ARNT2: variants seen among roughly 807,000 people sequenced by gnomAD.
ARNT2 encodes the protein ARNT protein 2.
ARNT2 carries 36 observed loss-of-function variants against 91.7 expected under a neutral mutation model. The ratio of observed to expected loss-of-function variants is 0.39; its 90% CI spans 0.30 to 0.52. The LOEUF (loss-of-function observed/expected upper bound fraction) is 0.52. Ranked by LOEUF, ARNT2 falls within the 20% of genes least tolerant of loss-of-function variation. The pLI is 0.72. For missense variants in ARNT2, 775 were observed against 939.3 expected, an observed-to-expected ratio of 0.83 and a Z score of 2.29; for synonymous variants, 365 against 347.1, an observed-to-expected ratio of 1.05 and a Z score of -0.57.
chr15:80,460,928 A>G (rs960941857), intron 3 of ARNT2, among the ~76,000 whole-genome samples: 1 of 152,158 alleles, frequency 6.6e-6, no homozygotes, highest in Non-Finnish European at 1.5e-5. Context: ...GGGAGTACTC[A>G]TGCTCCAAGG....
At chr15:80,470,906 G>C (rs1896723114) in intron 4 of ARNT2, among the ~76,000 whole-genome samples, 1 of 152,210 alleles carries the variant, frequency 6.6e-6, no homozygotes, top group African/African-American at 2.4e-5. Flanking sequence ...GCAGAGAAAA[G>C]GGAACACTTA....
chr15:80,552,801 C>G, intron 10 of ARNT2, 27 bp downstream of exon 10: 1 of 1,605,740 alleles, frequency 6.2e-7, no homozygotes, highest in Non-Finnish European at 8.5e-7. Flanking sequence ...GAGCCTATGG[C>G]AATTGACTAG....
intron 15 of ARNT2, among the ~76,000 whole-genome samples, chr15:80,577,894 G>A (rs983639112): frequency 6.6e-6 from 1 of 152,192 alleles, no homozygotes; most frequent in Admixed American, 6.5e-5. Flanking sequence ...GAGGCTCTGG[G>A]GAGCCCTGGC....
chr15:80,482,340 GTTT>G (rs1896903072), intron 5 of ARNT2, among the ~76,000 whole-genome samples: 1 of 152,166 alleles, frequency 6.6e-6, no homozygotes, highest in African/African-American at 2.4e-5. Context: ...GGGCACTGGC[GTTT>G]TGTTAAACCT....
rs762916779 is a variant in ARNT2 at position 80,475,293 on chromosome 15, G to A, written c.622+70G>A. 5.5e-5 allele frequency: 83 copies of A among 1,513,904 alleles called. No homozygotes were observed. The African/African-American group carries it at 6.4e-4, about 12-fold the overall frequency. The allele number at this position is 1,513,904 out of a possible 1,614,324, so 93.8% of individuals were successfully genotyped here. A position where few individuals can be genotyped will look rare whatever the true frequency, so the allele number is the denominator to read the frequency against. ...TTCTTGGCTGGGCATGGTGGCTCACGCCTGTAATCCCAGTACTTTGGGAGG... is the reference window on the plus strand; with the variant it reads ...TTCTTGGCTGGGCATGGTGGCTCACACCTGTAATCCCAGTACTTTGGGAGG... On this transcript the variant is annotated intron_variant, in intron 5 of 18. Transcript: ENST00000303329.
chr15:80,539,037 T>C (rs958433140), intron 8 of ARNT2, among the ~76,000 whole-genome samples: 16 of 152,096 alleles, frequency 1.1e-4, no homozygotes, highest in Non-Finnish European at 2.2e-4. Flanking sequence ...TGTATTTTTT[T>C]AATGAGAAAA....
intron 8 of ARNT2, among the ~76,000 whole-genome samples, chr15:80,521,586 T>G (rs1478454670): frequency 6.6e-6 from 1 of 152,158 alleles, no homozygotes; most frequent in Non-Finnish European, 1.5e-5. Context: ...AAATGTAAAT[T>G]TTTATTAAAT....
chr15:80,450,793 G>T, intron 1 of ARNT2, 87 bp from the exon 2 acceptor site: 2 of 1,317,310 alleles, frequency 1.5e-6, no homozygotes, highest in South Asian at 1.2e-5. Context: ...TGCGCAGGTG[G>T]TGCTTCTGGT....
At chr15:80,450,483 C>T (rs754246891) in intron 1 of ARNT2, among the ~76,000 whole-genome samples, 10 of 152,172 alleles carry the variant, frequency 6.6e-5, no homozygotes, top group Non-Finnish European at 1.5e-4. Flanking sequence ...CCTCTCAGGG[C>T]GTGTGCCCCA....
At position 80,486,853 on chromosome 15, in the gene ARNT2, G is replaced by A. The variant is rs1384642470; in HGVS notation, c.622+11630G>A. Among the ~76,000 whole-genome samples, 5 of 152,268 alleles carry A rather than the reference G, an allele frequency of 3.3e-5. No individual in the cohort carries two copies. In the East Asian group the frequency reaches 9.6e-4, roughly 29 times the overall value. On this transcript the variant is annotated intron_variant, in intron 5 of 18. Transcript: ENST00000303329. ...CTGTGGGTGGTGTGGGATTTGATTT[G>A]CCCCACCATGTAGGCATGGAGCCCA...
chr15:80,484,820 C>T (rs1337002836), intron 5 of ARNT2, among the ~76,000 whole-genome samples: 5 of 152,008 alleles, frequency 3.3e-5, no homozygotes, highest in African/African-American at 9.7e-5. Flanking sequence ...GGATGGGGGG[C>T]GGTGCATAGG....
chr15:80,568,037 A>G (rs1441140914), intron 12 of ARNT2, among the ~76,000 whole-genome samples: 1 of 152,202 alleles, frequency 6.6e-6, no homozygotes, highest in Non-Finnish European at 1.5e-5. Context: ...AAGCATCCAA[A>G]AGAAACTTCC....
intron 1 of ARNT2, among the ~76,000 whole-genome samples, chr15:80,420,920 A>C (rs543890438): frequency 6.6e-6 from 1 of 152,200 alleles, no homozygotes; most frequent in African/African-American, 2.4e-5. Context: ...ACCCAAAGGC[A>C]AAAGAAGTCA....
chr15:80,446,968 A>G (rs928171408), intron 1 of ARNT2, among the ~76,000 whole-genome samples: 3 of 152,158 alleles, frequency 2.0e-5, no homozygotes, highest in Admixed American at 6.5e-5. Flanking sequence ...TGATCACTCA[A>G]TTGACATATC....
chr15:80,537,094 G>C (rs1379825321), intron 8 of ARNT2, among the ~76,000 whole-genome samples: 2 of 152,054 alleles, frequency 1.3e-5, no homozygotes, highest in African/African-American at 4.8e-5. Context: ...CGCAGGCTCT[G>C]CTGGTCCCAC....
chr15:80,489,522 G>A (rs1036358651), intron 5 of ARNT2, among the ~76,000 whole-genome samples: 6 of 152,192 alleles, frequency 3.9e-5, no homozygotes, highest in East Asian at 1.9e-4. Context: ...GAGCGCACAC[G>A]TTCTAAGGAC....
intron 5 of ARNT2, among the ~76,000 whole-genome samples, chr15:80,489,664 G>T (rs554330738): frequency 6.6e-6 from 1 of 152,298 alleles, no homozygotes; most frequent in South Asian, 2.1e-4. Flanking sequence ...GGCAGAGCTG[G>T]CCACCTCAGA....
At chr15:80,489,705 C>G (rs1374163323) in intron 5 of ARNT2, among the ~76,000 whole-genome samples, 1 of 152,228 alleles carries the variant, frequency 6.6e-6, no homozygotes, top group African/African-American at 2.4e-5. Context: ...GAACAGTGCA[C>G]TTGTACTCAG....
chr15:80,495,041 G>A (rs1011352962), intron 5 of ARNT2, among the ~76,000 whole-genome samples: 7 of 152,080 alleles, frequency 4.6e-5, no homozygotes, highest in Non-Finnish European at 8.8e-5. Flanking sequence ...CCTATTAGTC[G>A]CAATGCTAAG....
Sources: allele counts gnomAD v4.1 joint callset (sites outside exome capture counted in the v4.1 genomes callset), GRCh38; gene constraint gnomAD v4.1.1; transcripts MANE v1.5; gene names NCBI Gene and HGNC (gene_info 2026-07-23, HGNC 2026-07-21).